Variants in SHROOM3 observed in about 807,000 individuals in gnomAD.
The protein encoded by SHROOM3 is shroom family member 3.
A neutral mutation model predicts 138.6 loss-of-function variants in SHROOM3; 47 were observed. That is an observed-to-expected ratio of 0.34 (90% CI 0.27 to 0.43). The LOEUF (loss-of-function observed/expected upper bound fraction) is 0.43, where lower values mean the gene tolerates loss of function less well. SHROOM3 is among the 20% of genes least tolerant of loss of function. The probability of loss-of-function intolerance (pLI) is 1.00; values close to 1 mark genes in which losing one functional copy is unlikely to be tolerated. For missense variants in SHROOM3, 2,491 were observed against 2,596.5 expected (o/e 0.96, Z 0.88); for synonymous variants, 1,062 against 1,063.3 (o/e 1.00, Z 0.02).
At chr4:76,519,730 A>G (rs1222338081) in intron 1 of SHROOM3, among the ~76,000 whole-genome samples, 1 of 152,234 alleles carries the variant, frequency 6.6e-6, no homozygotes, top group East Asian at 1.9e-4. Context: ...GATGAATTTT[A>G]GAATTTAAAC....
chr4:76,548,713 C>A (rs1205358423), intron 1 of SHROOM3, among the ~76,000 whole-genome samples: 1 of 152,192 alleles, frequency 6.6e-6, no homozygotes, highest in African/African-American at 2.4e-5. Flanking sequence ...AAATCAACGC[C>A]TCTTATGTCA....
chr4:76,546,703 T>C (rs1560540899), intron 1 of SHROOM3, among the ~76,000 whole-genome samples: 1 of 152,234 alleles, frequency 6.6e-6, no homozygotes, highest in Non-Finnish European at 1.5e-5. Context: ...ATTGCTTCCA[T>C]ACAATTATCG....
At chr4:76,757,040 A>T (rs763270995) in intron 8 of SHROOM3, 103 bp downstream of exon 8, 88 of 1,575,890 alleles carry the variant, frequency 5.6e-5, no homozygotes, top group Non-Finnish European at 7.3e-5. Context: ...CTACTGCCAC[A>T]GCTCCTGAAC....
At chr4:76,706,239 C>T (rs929631272) in intron 2 of SHROOM3, among the ~76,000 whole-genome samples, 8 of 151,988 alleles carry the variant, frequency 5.3e-5, no homozygotes, top group Admixed American at 1.3e-4. Context: ...CTTAGCCTCC[C>T]GAGTGGCTGG....
chr4:76,563,683 C>T (rs1337235674), intron 2 of SHROOM3, among the ~76,000 whole-genome samples: 1 of 152,132 alleles, frequency 6.6e-6, no homozygotes, highest in Non-Finnish European at 1.5e-5. Flanking sequence ...ATCAAGTGGG[C>T]AGGCAGTGGG....
At chr4:76,743,152 T>G (rs1310390914) in intron 5 of SHROOM3, among the ~76,000 whole-genome samples, 1 of 152,180 alleles carries the variant, frequency 6.6e-6, no homozygotes, top group Non-Finnish European at 1.5e-5. Flanking sequence ...TGGGCCAGGA[T>G]GTAAAAGATG....
Position 76,608,656 on chromosome 4 carries a change from CATAGCATAGCACAGCAT to C in SHROOM3, c.323+52895_323+52911del, listed in dbSNP as rs1560563336. 1.1e-3 allele frequency among the ~76,000 whole-genome samples: 29 copies of C among 26,778 alleles called. 1 individual carries two copies. Among genetic ancestry groups the C allele is most frequent in the African/African-American group, 1.8e-3 (29 of 16,242 alleles). 17.6% of individuals were successfully genotyped at this position (26,778 alleles called of 152,430 possible). A position where few individuals can be genotyped will look rare whatever the true frequency, so the allele number is the denominator to read the frequency against. On this transcript the variant is annotated intron_variant, in intron 2 of 10. Coordinates refer to ENST00000296043, the MANE Select transcript of SHROOM3 (RefSeq NM_020859.4). ...CATAGCATAGCATAGCATAGCATAGCATAGCATAGCACAGCATAGCACAGCACAGCACAGCACAGCAC... is the reference window on the plus strand; with the variant it reads ...CATAGCATAGCATAGCATAGCATAGCAGCACAGCACAGCACAGCACAGCAC...
intron 1 of SHROOM3, among the ~76,000 whole-genome samples, chr4:76,517,958 C>T (rs1402704492): frequency 6.6e-6 from 1 of 152,156 alleles, no homozygotes; most frequent in Non-Finnish European, 1.5e-5. Context: ...AAGACTTTTT[C>T]CTTACAAAGT....
chr4:76,631,080 G>A (rs192892680), intron 2 of SHROOM3, among the ~76,000 whole-genome samples: 11 of 152,108 alleles, frequency 7.2e-5, no homozygotes, highest in African/African-American at 2.4e-4. Context: ...AATAAGCAAA[G>A]AAGGTAAGTT....
At position 76,517,701 on chromosome 4, in the gene SHROOM3, G is replaced by T. The variant is rs183416939; in HGVS notation, c.169-37908G>T. On this transcript the variant is annotated intron_variant, in intron 1 of 10. Transcript: ENST00000296043. ...ATTTGAAAATTTCTTCAACAATATG[G>T]GTTCTGTTCTGCTAATTCTCAGACC... 5.1e-3 allele frequency among the ~76,000 whole-genome samples: 773 copies of T among 151,800 alleles called. 2 individuals are homozygous for T. Among genetic ancestry groups the T allele is most frequent in the Admixed American group, 9.9e-3 (150 of 15,216 alleles).
intron 1 of SHROOM3, among the ~76,000 whole-genome samples, chr4:76,441,385 G>A (rs893225065): frequency 1.3e-5 from 2 of 151,848 alleles, no homozygotes; most frequent in South Asian, 4.2e-4. Flanking sequence ...GAGCCACCGC[G>A]CCCAGCCCCT....
intron 2 of SHROOM3, among the ~76,000 whole-genome samples, chr4:76,579,393 G>A (rs548099162): frequency 3.4e-4 from 52 of 151,328 alleles, no homozygotes; most frequent in African/African-American, 1.2e-3. Flanking sequence ...GTGTGAACCC[G>A]GGAGACTGAG....
intron 2 of SHROOM3, among the ~76,000 whole-genome samples, chr4:76,645,897 T>G (rs1367914099): frequency 1.3e-5 from 2 of 152,088 alleles, no homozygotes; most frequent in South Asian, 2.1e-4. Flanking sequence ...CTCCCCAAAA[T>G]AGGCATCTTC....
At chr4:76,469,991 A>G (rs1383209980) in intron 1 of SHROOM3, among the ~76,000 whole-genome samples, 1 of 152,238 alleles carries the variant, frequency 6.6e-6, no homozygotes, top group Non-Finnish European at 1.5e-5. Flanking sequence ...TTCACTCTTC[A>G]TTGACATACA....
At chr4:76,710,710 C>T (rs200134982) in intron 3 of SHROOM3, among the ~76,000 whole-genome samples, 15 of 152,154 alleles carry the variant, frequency 9.9e-5, no homozygotes, top group East Asian at 1.9e-4. Context: ...TAAAATTTCT[C>T]GGAGGAATGT....
In SHROOM3 at chr4:76,706,630, GA is replaced by G. The variant is rs1289973603; in HGVS notation, c.324-3519del. ...ACAGGAGAGGTGGATACAGTTGTTT[GA>G]AAAAAATCTGCGTATAAGAGGACCC... On this transcript the variant is annotated intron_variant, in intron 2 of 10. Transcript: ENST00000296043. 1.4e-4 allele frequency among the ~76,000 whole-genome samples: 21 copies of G among 152,208 alleles called. No individual in the cohort carries two copies. The East Asian group carries it at 4.1e-3, about 29-fold the overall frequency.
intron 1 of SHROOM3, among the ~76,000 whole-genome samples, chr4:76,464,164 C>A (rs904918953): frequency 6.6e-6 from 1 of 152,254 alleles, no homozygotes; most frequent in African/African-American, 2.4e-5. Flanking sequence ...GGGCCATAAC[C>A]TGCAGAGCCA....
intron 2 of SHROOM3, among the ~76,000 whole-genome samples, chr4:76,693,553 A>T (rs6817268): frequency 0.67 from 101,384 of 150,788 alleles, 35,192 homozygotes; most frequent in East Asian, 0.94. Context: ...CCAGCTAATT[A>T]TTTTTGTATT....
intron 1 of SHROOM3, among the ~76,000 whole-genome samples, chr4:76,519,874 T>C (rs1732526707): frequency 2.0e-5 from 3 of 152,320 alleles, no homozygotes; most frequent in Admixed American, 1.3e-4. Flanking sequence ...AATGAGTGGA[T>C]TTGTGAGGTG....
Sources: gnomAD v4.1 joint callset for allele counts (sites outside exome capture counted in the v4.1 genomes callset) on GRCh38, gnomAD v4.1.1 for gene constraint, MANE v1.5 for transcripts, NCBI Gene and HGNC (gene_info 2026-07-23, HGNC 2026-07-21) for gene names.